Variants in PIK3CD observed in about 807,000 individuals in gnomAD.
PIK3CD encodes the protein phosphatidylinositol-4,5-bisphosphate 3-kinase catalytic subunit delta.
A neutral mutation model predicts 122.9 loss-of-function variants in PIK3CD; 20 were observed. The observed-to-expected ratio is 0.16, with a 90% CI of 0.11 to 0.24. The LOEUF (loss-of-function observed/expected upper bound fraction) is 0.24. PIK3CD is among the 10% of genes least tolerant of loss of function. PIK3CD has a pLI of 1.00. For missense variants in PIK3CD, 787 were observed against 1,406.3 expected, an observed-to-expected ratio of 0.56 and a Z score of 7.04; for synonymous variants, 596 against 593.4, an observed-to-expected ratio of 1.00 and a Z score of -0.06.
upstream of PIK3CD, among the ~76,000 whole-genome samples, chr1:9,648,441 C>A (rs1644627046): frequency 6.6e-6 from 1 of 152,172 alleles, no homozygotes; most frequent in Non-Finnish European, 1.5e-5. Flanking sequence ...CTCTAAAGAC[C>A]AGAGGGCAGC....
chr1:9,710,505 A>G lies in PIK3CD; in HGVS notation c.50A>G (p.Asn17Ser). 1 of 1,614,166 alleles carries G rather than the reference A, an allele frequency of 6.2e-7. No homozygotes were observed. Among genetic ancestry groups the G allele is most frequent in the Non-Finnish European group, 8.5e-7 (1 of 1,180,016 alleles). ...ATGGAATTCTGGACCAAGGAGGAGA[A>G]TCAGAGCGTTGTGGTTGACTTCCTG... ...CPMEFWTKEENQSVVVDFLLP... is the reference protein window; with the variant it reads ...CPMEFWTKEESQSVVVDFLLP... Residue 17 changes from asparagine to serine, a missense_variant, in exon 3 of 24, where the codon AAT becomes AGT. Physicochemically the swap from Asn to Ser is conservative, Grantham distance 46. This residue lies in a region of PIK3CD where 592 missense variants were observed against 920.6 expected (regional missense o/e 0.64). Coordinates refer to ENST00000377346, the MANE Select transcript of PIK3CD (RefSeq NM_005026.5). This position sits in a 1 kb window ranked among gnomAD's most constrained non-coding sequence, Gnocchi z 4.7.
At position 9,718,564 on chromosome 1, in the gene PIK3CD, C is replaced by T. The variant is rs1344552112; in HGVS notation, c.1021-130C>T. On this transcript the variant is annotated intron_variant, in intron 8 of 23. Transcript: ENST00000377346. The surrounding 1 kb of genome is among the most constrained non-coding windows in gnomAD (Gnocchi z 7.2). ...CTCAGGCCTTCCCTGTGCTGCACCA[C>T]CTTCCTTCGTGTGGGAAGTAGAGTT... The T allele has an allele frequency of 1.1e-6, 1 of 882,250 alleles. No homozygotes were observed. Among genetic ancestry groups the T allele is most frequent in the Non-Finnish European group, 1.8e-6 (1 of 550,888 alleles). The allele number at this position is 882,250 out of a possible 1,614,324, so 54.7% of individuals were successfully genotyped here. A position where few individuals can be genotyped will look rare whatever the true frequency, so the allele number is the denominator to read the frequency against.
intron 2 of PIK3CD, among the ~76,000 whole-genome samples, chr1:9,703,853 G>T (rs895057792): frequency 3.9e-4 from 60 of 152,256 alleles, no homozygotes; most frequent in African/African-American, 1.4e-3. Flanking sequence ...AAATATACAT[G>T]TATTTGCATT....
intron 1 of PIK3CD, among the ~76,000 whole-genome samples, chr1:9,673,063 C>T (rs958715242): frequency 2.6e-5 from 4 of 150,962 alleles, no homozygotes; most frequent in Non-Finnish European, 4.4e-5. Flanking sequence ...CTGTATGAGG[C>T]GTACATGCAA....
chr1:9,630,577 G>C, the PIK3CD span, among the ~76,000 whole-genome samples: 1 of 152,244 alleles, frequency 6.6e-6, no homozygotes, highest in Non-Finnish European at 1.5e-5. Flanking sequence ...AATCATGGTT[G>C]AGTAGACCAA....
Position 9,703,719 on chromosome 1 carries a change from C to G in PIK3CD, c.-32-6705C>G, listed in dbSNP as rs1646733008. On this transcript the variant is annotated intron_variant, in intron 2 of 23. Transcript: ENST00000377346. ...ATTCTCATTGCTATATAACATTCTG[C>G]TCAGAAAGAGTATCACACATTATTT... Among the ~76,000 whole-genome samples the G allele has an allele frequency of 2.6e-5, 4 of 152,166 alleles. No individual in the cohort carries two copies. In the South Asian group the frequency reaches 6.2e-4, roughly 24 times the overall value.
chr1:9,714,789 C>T (rs1647208900), intron 3 of PIK3CD, among the ~76,000 whole-genome samples: 1 of 152,152 alleles, frequency 6.6e-6, no homozygotes, highest in Non-Finnish European at 1.5e-5. Context: ...GGGCTGGAGG[C>T]CCGTCACCCC....
chr1:9,711,935 C>T (rs551692264), intron 3 of PIK3CD, among the ~76,000 whole-genome samples: 22 of 151,466 alleles, frequency 1.5e-4, no homozygotes, highest in African/African-American at 3.6e-4. Context: ...CCCGCTCTGT[C>T]GCCCAGGCTG....
intron 1 of PIK3CD, among the ~76,000 whole-genome samples, chr1:9,679,225 G>A (rs1645656546): frequency 6.6e-6 from 1 of 151,930 alleles, no homozygotes; most frequent in Non-Finnish European, 1.5e-5. Flanking sequence ...GTGCCACCAT[G>A]CCTGGCTAAT....
chr1:9,695,703 G>A (rs992507013), intron 2 of PIK3CD, among the ~76,000 whole-genome samples: 60 of 151,972 alleles, frequency 3.9e-4, no homozygotes, highest in Admixed American at 1.0e-3. Flanking sequence ...TTAGCTGGGC[G>A]TGGTGGCATG....
chr1:9,725,093 C>T (rs749677777), intron 23 of PIK3CD, among the ~76,000 whole-genome samples, 157 bp downstream of exon 23: 5 of 152,180 alleles, frequency 3.3e-5, no homozygotes, highest in Admixed American at 1.3e-4. Flanking sequence ...AGCTGGTGGG[C>T]GGTGGAGGGG....
the PIK3CD span, among the ~76,000 whole-genome samples, chr1:9,629,411 C>A: frequency 6.6e-6 from 1 of 151,946 alleles, no homozygotes; most frequent in Non-Finnish European, 1.5e-5. Context: ...TACCACCAGC[C>A]GAGAATGAGG....
chr1:9,628,894 A>C, the PIK3CD span, among the ~76,000 whole-genome samples: 1 of 151,936 alleles, frequency 6.6e-6, no homozygotes, highest in Non-Finnish European at 1.5e-5. Flanking sequence ...ATCCCCCAGG[A>C]CCCTCGGAAG....
In PIK3CD at chr1:9,723,972, G is replaced by T. The variant is rs768006265; in HGVS notation, c.2598G>T (p.Glu866Asp). 2.5e-6 allele frequency: 4 copies of T among 1,614,094 alleles called. No individual in the cohort carries two copies. The South Asian group carries it at 4.4e-5, about 18-fold the overall frequency. The change falls in exon 21 of 24, where the codon GAG becomes GAT. Residue 866 changes from glutamate (E) to aspartate (D), a missense_variant. Glu to Asp is a conservative substitution (Grantham distance 45, BLOSUM62 2). Around this residue, in one of 6 missense-constraint regions of PIK3CD, gnomAD observed 69 missense variants for 166.8 expected, o/e 0.41. Coordinates refer to ENST00000377346, the MANE Select transcript of PIK3CD (RefSeq NM_005026.5). This position sits in a 1 kb window ranked among gnomAD's most constrained non-coding sequence, Gnocchi z 4.9. ...LNWLKSKNPG[E>D]ALDRAIEEFT... Reference sequence around the variant, plus strand: ...CTTTTTAATCTTCCCCACCCAGGGAGGCCCTGGATCGAGCCATTGAGGAGT... The same window carrying T: ...CTTTTTAATCTTCCCCACCCAGGGATGCCCTGGATCGAGCCATTGAGGAGT...
the PIK3CD span, among the ~76,000 whole-genome samples, chr1:9,634,803 A>G: frequency 6.6e-6 from 1 of 152,124 alleles, no homozygotes. Context: ...TGACACCAAT[A>G]TGTGTATTAT....
At position 9,724,691 on chromosome 1, in the gene PIK3CD, T is replaced by TA; in HGVS notation, c.2865-112dup. On this transcript the variant is annotated intron_variant, in intron 22 of 23. Transcript: ENST00000377346. The surrounding 1 kb of genome is among the most constrained non-coding windows in gnomAD (Gnocchi z 7.3). ...AACTGGAGGCCTTGTGTCCACCCAT[T>TA]ATCAGGGCAAGGGCAGGTGTCCTTG... is the stretch of plus-strand genomic sequence containing the variant. 1.4e-6 allele frequency: 2 copies of TA among 1,399,414 alleles called. No individual in the cohort carries two copies. The highest frequency in any genetic ancestry group is 2.3e-5 in the South Asian group (2 of 86,336). The allele number at this position is 1,399,414 out of a possible 1,614,324, so 86.7% of individuals were successfully genotyped here.
chr1:9,637,604 C>G, the PIK3CD span, among the ~76,000 whole-genome samples: 4 of 150,616 alleles, frequency 2.7e-5, no homozygotes, highest in Admixed American at 2.6e-4. Flanking sequence ...CAGGGCCACA[C>G]TCTCTCTGGA....
intron 23 of PIK3CD, among the ~76,000 whole-genome samples, 162 bp from the exon 24 acceptor site, chr1:9,726,747 C>T (rs1030004251): frequency 2.6e-5 from 4 of 152,056 alleles, no homozygotes; most frequent in African/African-American, 7.2e-5. Context: ...GTCTTTGGCA[C>T]CTTCATTTGA....
rs1326846445 is a variant in PIK3CD at position 9,652,171 on chromosome 1, A to C, written c.-138+369A>C. 6.6e-6 allele frequency among the ~76,000 whole-genome samples: 1 copy of C among 151,960 alleles called. No homozygotes were observed. The highest frequency in any genetic ancestry group is 1.5e-5 in the Non-Finnish European group (1 of 67,948). Reference sequence around the variant, plus strand: ...GGTGCGGCCTCCGGTGCGCCGGCTGAGGCGCGAGGATACTGGAAGCGCTCA... The same window carrying C: ...GGTGCGGCCTCCGGTGCGCCGGCTGCGGCGCGAGGATACTGGAAGCGCTCA... On this transcript the variant is annotated intron_variant, in intron 1 of 23. Coordinates refer to ENST00000377346, the MANE Select transcript of PIK3CD (RefSeq NM_005026.5). This position sits in a 1 kb window ranked among gnomAD's most constrained non-coding sequence, Gnocchi z 6.2.
Sources: allele counts gnomAD v4.1 joint callset (sites outside exome capture counted in the v4.1 genomes callset), GRCh38; gene constraint gnomAD v4.1.1; regional missense constraint gnomAD v4.1.1; non-coding constraint Gnocchi (gnomAD v3.1); transcripts MANE v1.5; gene names NCBI Gene and HGNC (gene_info 2026-07-23, HGNC 2026-07-21).